MATN2: variants seen among roughly 807,000 people sequenced by gnomAD.
MATN2 encodes matrilin 2.
Under a neutral mutation model 103.2 loss-of-function variants are expected in MATN2, and 69 were observed. The observed-to-expected ratio is 0.67, with a 90% CI of 0.55 to 0.82. MATN2 has a LOEUF of 0.82. MATN2 is among the 40% of genes least tolerant of loss of function. MATN2 has a pLI of 0.00. For missense variants in MATN2, 1,023 were observed against 1,211.5 expected (o/e 0.84, Z 2.31); for synonymous variants, 429 against 450.2 (o/e 0.95, Z 0.60).
chr8:97,995,829 G>A (rs1812566300), intron 7 of MATN2, among the ~76,000 whole-genome samples: 1 of 152,210 alleles, frequency 6.6e-6, no homozygotes, highest in Non-Finnish European at 1.5e-5. Flanking sequence ...TATTCTCACT[G>A]CCTTGTGAGG....
At chr8:97,884,304 C>T (rs541845833) in intron 1 of MATN2, among the ~76,000 whole-genome samples, 2 of 151,714 alleles carry the variant, frequency 1.3e-5, no homozygotes, top group African/African-American at 4.8e-5. Context: ...CCATGCCCAG[C>T]TAATTTTGTA....
intron 7 of MATN2, among the ~76,000 whole-genome samples, chr8:98,000,604 A>AAAAAAAAAAAAAAAAAAAAAAAAG (rs1554613598): frequency 2.1e-4 from 27 of 126,984 alleles, no homozygotes; most frequent in Non-Finnish European, 3.5e-4. Context: ...CTCAAAAAAA[A>AAAAAAAAAAAAAAAAAAAAAAAAG]AAAAAAGAAA....
chr8:97,903,392 C>G (rs1297219675), intron 2 of MATN2, among the ~76,000 whole-genome samples: 1 of 152,196 alleles, frequency 6.6e-6, no homozygotes, highest in Non-Finnish European at 1.5e-5. Flanking sequence ...TGGAAGGGCT[C>G]TTCCTCACAG....
At chr8:97,894,096 T>C (rs537983666) in intron 2 of MATN2, among the ~76,000 whole-genome samples, 6 of 152,308 alleles carry the variant, frequency 3.9e-5, no homozygotes, top group African/African-American at 1.4e-4. Flanking sequence ...TGTGGCAATA[T>C]GGCATCAATT....
At position 97,887,983 on chromosome 8, in the gene MATN2, T is replaced by C; in HGVS notation, c.-26-92T>C. 6 of 1,269,734 alleles carry C rather than the reference T, an allele frequency of 4.7e-6. No homozygotes were observed. In the South Asian group the frequency reaches 7.5e-5, roughly 16 times the overall value. The allele number at this position is 1,269,734 out of a possible 1,614,324, so 78.7% of individuals were successfully genotyped here. On this transcript the variant is annotated intron_variant, in intron 1 of 18. Coordinates refer to ENST00000254898, the MANE Select transcript of MATN2 (RefSeq NM_002380.5). ...GAGTGCAAGTGGTCTGTTTGAACTC[T>C]GAAAAGGCGGGGCAGCGGGCCTGCA... is the stretch of plus-strand genomic sequence containing the variant.
chr8:97,903,622 T>C (rs997807290), intron 2 of MATN2, among the ~76,000 whole-genome samples: 7 of 152,158 alleles, frequency 4.6e-5, no homozygotes, highest in African/African-American at 1.7e-4. Flanking sequence ...AGGCGGGAAC[T>C]GGGAAGTTGG....
intron 5 of MATN2, among the ~76,000 whole-genome samples, chr8:97,973,647 G>A (rs990819144): frequency 2.7e-5 from 4 of 145,478 alleles, no homozygotes; most frequent in Admixed American, 1.4e-4. Context: ...TTGGTTCCCC[G>A]CAGCCTCAAT....
chr8:98,010,956 C>G (rs1368688518), intron 10 of MATN2, among the ~76,000 whole-genome samples: 4 of 152,200 alleles, frequency 2.6e-5, no homozygotes, highest in Non-Finnish European at 5.9e-5. Flanking sequence ...ACTCGGGCTC[C>G]CATCACAAAA....
intron 6 of MATN2, among the ~76,000 whole-genome samples, chr8:97,983,676 T>C (rs917652896): frequency 1.1e-4 from 17 of 152,144 alleles, no homozygotes; most frequent in Non-Finnish European, 2.2e-4. Flanking sequence ...TGCTTGGAGG[T>C]CATTATACTC....
chr8:97,980,978 C>T (rs900128429), intron 6 of MATN2, among the ~76,000 whole-genome samples: 1 of 151,998 alleles, frequency 6.6e-6, no homozygotes, highest in Non-Finnish European at 1.5e-5. Flanking sequence ...GAGTTTGAGA[C>T]CAGCCCTGGT....
rs1813584509 is a variant in MATN2 at position 98,021,337 on chromosome 8, C to A, written c.1942+10C>A. ...GGAAGACGGTGCAAGAGTAAGTGATCTGAACTTGGCTCTCTGCTTTAATTT... is the reference window on the plus strand; with the variant it reads ...GGAAGACGGTGCAAGAGTAAGTGATATGAACTTGGCTCTCTGCTTTAATTT... On this transcript the variant is annotated intron_variant, in intron 13 of 18. Transcript: ENST00000254898. 1.2e-6 allele frequency: 2 copies of A among 1,608,486 alleles called. No homozygotes were observed. The highest frequency in any genetic ancestry group is 1.3e-5 in the African/African-American group (1 of 74,722).
At chr8:97,996,231 T>G (rs1396450355) in intron 7 of MATN2, among the ~76,000 whole-genome samples, 1 of 152,254 alleles carries the variant, frequency 6.6e-6, no homozygotes, top group African/African-American at 2.4e-5. Context: ...CTGCATGTCT[T>G]ACCAACCATC....
intron 2 of MATN2, among the ~76,000 whole-genome samples, chr8:97,890,820 T>C (rs1198548710): frequency 4.6e-5 from 7 of 152,272 alleles, no homozygotes; most frequent in Admixed American, 4.6e-4. Context: ...CTTGCAAGTA[T>C]GTTCCTGAAA....
At chr8:97,901,531 G>A (rs553829464) in intron 2 of MATN2, among the ~76,000 whole-genome samples, 1 of 152,108 alleles carries the variant, frequency 6.6e-6, no homozygotes, top group African/African-American at 2.4e-5. Flanking sequence ...GTGATTACAG[G>A]CGTGAGCCAC....
chr8:97,921,323 A>G (rs544909411), intron 2 of MATN2, among the ~76,000 whole-genome samples: 1 of 152,352 alleles, frequency 6.6e-6, no homozygotes, highest in African/African-American at 2.4e-5. Context: ...AATATAGTAG[A>G]AGCAAGTTTT....
chr8:98,033,626 G>A lies in MATN2; in HGVS notation c.2782G>A (p.Ala928Thr). The A allele has an allele frequency of 6.2e-7, 1 of 1,607,302 alleles. No individual in the cohort carries two copies. Among genetic ancestry groups the A allele is most frequent in the Non-Finnish European group, 8.5e-7 (1 of 1,176,722 alleles). ...AAACCTTATAATGTTCCAGAACCTT[G>A]CAAACGAAGAAGTAAGAAAATTAAC... is the stretch of plus-strand genomic sequence containing the variant. ...CENLIMFQNL[A>T]NEEVRKLTQR... The change falls in exon 18 of 19, where the codon GCA (alanine) becomes ACA (threonine). Residue 928 changes from alanine to threonine, a missense_variant. Ala to Thr is a moderately conservative substitution (Grantham distance 58). Coordinates refer to ENST00000254898, the MANE Select transcript of MATN2 (RefSeq NM_002380.5).
At chr8:98,017,885 G>A (rs1813420508) in intron 11 of MATN2, 109 bp from the exon 12 acceptor site, 7 of 1,236,970 alleles carry the variant, frequency 5.7e-6, no homozygotes, top group Non-Finnish European at 8.1e-6. Context: ...ACTGAGCTCA[G>A]GTGGCAGATA....
chr8:97,992,964 C>T (rs535512688), intron 6 of MATN2, among the ~76,000 whole-genome samples: 23 of 141,046 alleles, frequency 1.6e-4, no homozygotes, highest in African/African-American at 5.7e-4. Context: ...ATAATAACAA[C>T]AATACAATGT....
At chr8:98,002,067 A>G (rs11776602) in intron 7 of MATN2, among the ~76,000 whole-genome samples, 70,932 of 151,988 alleles carry the variant, frequency 0.47, 17,436 homozygotes, top group Non-Finnish European at 0.53. Context: ...CTTTTCCCGC[A>G]ACACCAGTCT....
Sources: allele counts gnomAD v4.1 joint callset (sites outside exome capture counted in the v4.1 genomes callset), GRCh38; gene constraint gnomAD v4.1.1; transcripts MANE v1.5; gene names NCBI Gene and HGNC (gene_info 2026-07-23, HGNC 2026-07-21).